Variants in PFKFB2 observed in about 807,000 individuals in gnomAD.
PFKFB2 encodes 6-phosphofructo-2-kinase/fructose-2,6-biphosphatase 2, also known as 6-phosphofructo-2-kinase/fructose-2,6-bisphosphatase 2.
Under a neutral mutation model 68.0 loss-of-function variants are expected in PFKFB2, and 53 were observed. The observed-to-expected ratio is 0.78, with a 90% CI of 0.63 to 0.98. The LOEUF is 0.98. Ranked by LOEUF, PFKFB2 falls within the 50% of genes least tolerant of loss-of-function variation. The pLI is 0.00. For synonymous variants in PFKFB2, 222 were observed against 227.6 expected (o/e 0.98, Z 0.22); for missense variants, 451 against 642.0 (o/e 0.70, Z 3.22).
At chr1:207,040,904 T>C (rs1431800772) in intron 1 of PFKFB2, among the ~76,000 whole-genome samples, 4 of 150,074 alleles carry the variant, frequency 2.7e-5, no homozygotes, top group Non-Finnish European at 5.9e-5. Flanking sequence ...TTTGTAGTTA[T>C]AACTAGCATT....
rs115628600 is a variant in PFKFB2, at chr1:207,063,635, A to G, written c.451-138A>G. 3.7e-6 allele frequency: 3 copies of G among 812,832 alleles called. No individual in the cohort carries two copies. In the African/African-American group the frequency reaches 5.0e-5, roughly 14 times the overall value. 50.4% of individuals were successfully genotyped at this position (812,832 alleles called of 1,614,324 possible). ...AGGCCCAGGGGCTGTGGTAAGAGCT[A>G]TGAGGAGGACTTGAGGGCCACTTTC... On this transcript the variant is annotated intron_variant, in intron 6 of 14. Transcript: ENST00000367080. This position sits in a 1 kb window ranked among gnomAD's most constrained non-coding sequence, Gnocchi z 4.1.
Position 207,075,635 on chromosome 1 carries a change from T to A in PFKFB2, c.*3264T>A. 2 of 984,858 alleles carry A rather than the reference T, an allele frequency of 2.0e-6. No homozygotes were observed. Among genetic ancestry groups the A allele is most frequent in the Non-Finnish European group, 2.4e-6 (2 of 829,386 alleles). 61.0% of individuals were successfully genotyped at this position (984,858 alleles called of 1,614,324 possible). On this transcript the variant is annotated 3_prime_UTR_variant, in exon 15 of 15. Transcript: ENST00000367080. ...GTAAAGACATTAGCATTTAATCTACTGGAATAAGCTGGTTGCTGTGGCTTA... is the reference window on the plus strand; with the variant it reads ...GTAAAGACATTAGCATTTAATCTACAGGAATAAGCTGGTTGCTGTGGCTTA...
upstream of PFKFB2, chr1:207,051,084 C>A: frequency 6.9e-7 from 1 of 1,443,952 alleles, no homozygotes; most frequent in Non-Finnish European, 9.1e-7. Context: ...GCGGCTTCTG[C>A]CTTAGTACCT....
chr1:207,054,875 C>A, intron 2 of PFKFB2, 73 bp downstream of exon 2: 1 of 1,041,434 alleles, frequency 9.6e-7, no homozygotes, highest in Non-Finnish European at 1.5e-6. Flanking sequence ...TAATCCTGGA[C>A]TCTGCTGCTT....
intron 2 of PFKFB2, chr1:207,043,750 C>A (rs1257615461): frequency 1.3e-5 from 2 of 152,546 alleles, no homozygotes; most frequent in East Asian, 1.9e-4. Context: ...GATTTTGGTA[C>A]CTTAGTTAAA....
At position 207,070,160 on chromosome 1, in the gene PFKFB2, C is replaced by A; in HGVS notation, c.1093-120C>A. On this transcript the variant is annotated intron_variant, in intron 11 of 14. Transcript: ENST00000367080. This position sits in a 1 kb window ranked among gnomAD's most constrained non-coding sequence, Gnocchi z 4.2. ...AGCAGGTGATGTAAACTCACTGAGC[C>A]TCCAGGAGGAAAGCCAGCTGAGGAA... 8.5e-7 allele frequency: 1 copy of A among 1,177,916 alleles called. No homozygotes were observed. The highest frequency in any genetic ancestry group is 1.2e-6 in the Non-Finnish European group (1 of 829,614). 73.0% of individuals were successfully genotyped at this position (1,177,916 alleles called of 1,614,324 possible).
chr1:207,059,695 C>A (rs1211728520), intron 2 of PFKFB2, among the ~76,000 whole-genome samples: 1 of 152,144 alleles, frequency 6.6e-6, no homozygotes, highest in African/African-American at 2.4e-5. Flanking sequence ...CCATTTCTCC[C>A]TCCTCACCAC....
At position 207,076,502 on chromosome 1, in the gene PFKFB2, G is replaced by C; in HGVS notation, c.*4131G>C. 3.0e-6 allele frequency: 3 copies of C among 985,202 alleles called. No homozygotes were observed. The highest frequency in any genetic ancestry group is 3.6e-6 in the Non-Finnish European group (3 of 829,832). The allele number at this position is 985,202 out of a possible 1,614,324, so 61.0% of individuals were successfully genotyped here. On this transcript the variant is annotated 3_prime_UTR_variant, in exon 15 of 15. Transcript: ENST00000367080. The stretch of plus-strand genomic sequence containing the variant: ...ATTGAAAATATGTAACAACTGAGTC[G>C]GGTTGCAGCACTGGTGGGGTAGAAT...
chr1:207,046,667 T>C (rs977649659), intron 2 of PFKFB2: 3 of 152,094 alleles, frequency 2.0e-5, no homozygotes, highest in Admixed American at 6.5e-5. Flanking sequence ...TAAGATCCCC[T>C]GAATAAATAC....
chr1:207,048,652 C>T, upstream of PFKFB2: 1 of 201,714 alleles, frequency 5.0e-6, no homozygotes, highest in Non-Finnish European at 1.0e-5. Context: ...GCCCAGTGGA[C>T]TCACAGGAGG....
intron 2 of PFKFB2, among the ~76,000 whole-genome samples, chr1:207,061,621 C>T (rs1202198708): frequency 3.9e-5 from 6 of 152,138 alleles, no homozygotes; most frequent in African/African-American, 1.2e-4. Flanking sequence ...GGGCGCCTCA[C>T]GCCTGTAATC....
chr1:207,042,884 T>G (rs1682507144), intron 2 of PFKFB2, among the ~76,000 whole-genome samples: 1 of 152,200 alleles, frequency 6.6e-6, no homozygotes, highest in Non-Finnish European at 1.5e-5. Flanking sequence ...TCTGTAAACT[T>G]AATAACTGTA....
rs1682870598 is a variant in PFKFB2, at chr1:207,054,766, A to G, written c.49A>G (p.Lys17Glu). The change falls in exon 2 of 15, where the codon AAA becomes GAA. Residue 17 changes from lysine to glutamate, a missense_variant. Transcript: ENST00000367080. ...SEQNNNSYET[K>E]TPNLRMSEKK... ...ACAGAACAACAACAGCTATGAAACC[A>G]AAACCCCAAATCTTCGAATGTCAGA... 6.2e-7 allele frequency: 1 copy of G among 1,613,756 alleles called. No homozygotes were observed. Among genetic ancestry groups the G allele is most frequent in the Admixed American group, 1.7e-5 (1 of 59,998 alleles).
At chr1:207,043,633 G>C (rs1026197619) in intron 2 of PFKFB2, among the ~76,000 whole-genome samples, 1 of 152,106 alleles carries the variant, frequency 6.6e-6, no homozygotes, top group Non-Finnish European at 1.5e-5. Context: ...ATTGGATTTA[G>C]AAAAAAATTT....
rs1373908319 is a variant in PFKFB2 at position 207,065,045 on chromosome 1, G to A, written c.517G>A (p.Val173Ile). The change falls in exon 8 of 15, where the codon GTA becomes ATA. Residue 173 changes from valine to isoleucine, a missense_variant. Val to Ile is a conservative substitution (Grantham distance 29, BLOSUM62 3). Coordinates refer to ENST00000367080, the MANE Select transcript of PFKFB2 (RefSeq NM_006212.2). ...VIAANILEVK[V>I]SSPDYPERNR... The stretch of plus-strand genomic sequence containing the variant: ...GTTCCTATGATTTCAGGAGGTTAAG[G>A]TATCAAGCCCTGACTATCCTGAAAG... 6.2e-7 allele frequency: 1 copy of A among 1,613,842 alleles called. No individual in the cohort carries two copies. Among genetic ancestry groups the A allele is most frequent in the Non-Finnish European group, 8.5e-7 (1 of 1,179,874 alleles).
At chr1:207,061,501 C>T (rs1432441200) in intron 2 of PFKFB2, among the ~76,000 whole-genome samples, 1 of 152,026 alleles carries the variant, frequency 6.6e-6, no homozygotes, top group Non-Finnish European at 1.5e-5. Flanking sequence ...CCTTATTTGT[C>T]TTCCCAGACT....
At position 207,064,910 on chromosome 1, in the gene PFKFB2, T is replaced by C. The variant is rs1683237455; in HGVS notation, c.508-126T>C. The C allele has an allele frequency of 4.7e-6, 5 of 1,074,360 alleles. No homozygotes were observed. The South Asian group carries it at 6.6e-5, about 14-fold the overall frequency. The allele number at this position is 1,074,360 out of a possible 1,614,324, so 66.6% of individuals were successfully genotyped here. ...GGCGGGGGGTACTCAATGAGTGGAG[T>C]GCCAATGTTCCAGTGAAAGGCGACA... On this transcript the variant is annotated intron_variant, in intron 7 of 14. Coordinates refer to ENST00000367080, the MANE Select transcript of PFKFB2 (RefSeq NM_006212.2).
At chr1:207,049,761 T>C (rs368232953), upstream of PFKFB2, 21 of 1,560,468 alleles carry the variant, frequency 1.3e-5, no homozygotes, top group African/African-American at 2.3e-4. Context: ...TGCAAAGAAA[T>C]TACAGAAGAA....
chr1:207,043,328 A>G lies in PFKFB2; in HGVS notation c.-18+1116A>G, dbSNP rs538496097. ...TTATGCTGCTGTACAAACTGATTAG[A>G]TATTATTATACTTCCACGTCCATAA... On this transcript the variant is annotated intron_variant, in intron 2 of 5. Coordinates refer to the PFKFB2 transcript ENST00000545806. 2.6e-5 allele frequency among the ~76,000 whole-genome samples: 4 copies of G among 152,326 alleles called. No individual in the cohort carries two copies. In the South Asian group the frequency reaches 8.3e-4, roughly 32 times the overall value.
Sources: allele counts gnomAD v4.1 joint callset (sites outside exome capture counted in the v4.1 genomes callset), GRCh38; gene constraint gnomAD v4.1.1; non-coding constraint Gnocchi (gnomAD v3.1); transcripts MANE v1.5; gene names NCBI Gene and HGNC (gene_info 2026-07-23, HGNC 2026-07-21).